CERS6: variants seen among roughly 807,000 people sequenced by gnomAD.
The protein encoded by CERS6 is LAG1 homolog, ceramide synthase 6.
CERS6 carries 26 observed loss-of-function variants against 56.8 expected under a neutral mutation model. The observed-to-expected ratio is 0.46, with a 90% confidence interval of 0.34 to 0.63. The LOEUF (loss-of-function observed/expected upper bound fraction) is 0.63. CERS6 is among the 30% of genes least tolerant of loss of function. CERS6 has a pLI of 0.01. For synonymous variants in CERS6, 164 were observed against 173.3 expected, an observed-to-expected ratio of 0.95 and a Z score of 0.42; for missense variants, 415 against 467.5, an observed-to-expected ratio of 0.89 and a Z score of 1.04.
intron 1 of CERS6, among the ~76,000 whole-genome samples, chr2:168,500,158 A>T (rs1694554508): frequency 6.6e-6 from 1 of 152,214 alleles, no homozygotes; most frequent in South Asian, 2.1e-4. Flanking sequence ...CAAGCTTTCC[A>T]AAATCCATTC....
chr2:168,768,968 T>C (rs1205409521), intron 9 of CERS6, among the ~76,000 whole-genome samples: 2 of 146,966 alleles, frequency 1.4e-5, no homozygotes, highest in Non-Finnish European at 3.0e-5. Flanking sequence ...TTGTGTGACA[T>C]ACAGAACAAA....
chr2:168,561,696 A>C (rs1186369328), intron 3 of CERS6, among the ~76,000 whole-genome samples: 1 of 152,194 alleles, frequency 6.6e-6, no homozygotes, highest in Non-Finnish European at 1.5e-5. Flanking sequence ...AAAAACTGAG[A>C]TATTAGGATA....
intron 3 of CERS6, among the ~76,000 whole-genome samples, chr2:168,574,032 T>TC (rs1393590685): frequency 6.6e-6 from 1 of 152,176 alleles, no homozygotes; most frequent in Admixed American, 6.5e-5. Flanking sequence ...CGTTGTCCTT[T>TC]AGATGTACTT....
Position 168,630,977 on chromosome 2 carries a change from T to C in CERS6, c.408-8T>C. 1 of 1,449,460 alleles carries C rather than the reference T, an allele frequency of 6.9e-7. No individual in the cohort carries two copies. The highest frequency in any genetic ancestry group is 1.8e-4 in the Middle Eastern group (1 of 5,508). The allele number at this position is 1,449,460 out of a possible 1,614,324, so 89.8% of individuals were successfully genotyped here. ...GAATGTCACAGATTTTTTTTTAACC[T>C]TCTACAGGTGGAGATTTTCATTTTA... is the stretch of plus-strand genomic sequence containing the variant. On this transcript the variant is annotated splice_region_variant and splice_polypyrimidine_tract_variant and intron_variant, in intron 3 of 9. Coordinates refer to ENST00000305747, the MANE Select transcript of CERS6 (RefSeq NM_203463.3).
intron 4 of CERS6, among the ~76,000 whole-genome samples, chr2:168,690,655 A>G (rs1476509386): frequency 6.6e-6 from 1 of 152,102 alleles, no homozygotes; most frequent in East Asian, 1.9e-4. Context: ...ACTAGCTGTC[A>G]TCAATGTTTA....
At chr2:168,744,270 G>A (rs1432943971) in intron 8 of CERS6, among the ~76,000 whole-genome samples, 1 of 152,006 alleles carries the variant, frequency 6.6e-6, no homozygotes, top group Non-Finnish European at 1.5e-5. Flanking sequence ...CTCCCAAAGT[G>A]CTGGGATTTA....
At chr2:168,634,923 TCTA>T (rs1684829171) in intron 4 of CERS6, among the ~76,000 whole-genome samples, 1 of 152,184 alleles carries the variant, frequency 6.6e-6, no homozygotes, top group Non-Finnish European at 1.5e-5. Flanking sequence ...AGTAAATTGA[TCTA>T]CTGTTTACTA....
rs1432821288 is a variant in CERS6, at chr2:168,694,871, C to G, written c.517-88C>G. 3.0e-6 allele frequency: 3 copies of G among 1,001,550 alleles called. No individual in the cohort carries two copies. In the East Asian group the frequency reaches 7.1e-5, roughly 24 times the overall value. The allele number at this position is 1,001,550 out of a possible 1,614,324, so 62.0% of individuals were successfully genotyped here. On this transcript the variant is annotated intron_variant, in intron 5 of 9. Transcript: ENST00000305747. ...TTTGTGCAGGTGCAAGACCATGTTA[C>G]TTTTGAGCAGTGAGCTTGAGATGTC...
intron 4 of CERS6, among the ~76,000 whole-genome samples, chr2:168,631,994 T>C (rs967731367): frequency 6.6e-6 from 1 of 150,700 alleles, no homozygotes. Context: ...ATAAGATCAT[T>C]TCCCCTGCTG....
At chr2:168,624,867 A>G (rs946387553) in intron 3 of CERS6, among the ~76,000 whole-genome samples, 9 of 152,180 alleles carry the variant, frequency 5.9e-5, no homozygotes, top group African/African-American at 1.9e-4. Context: ...GTGGAAAAAT[A>G]GGCACTTAAT....
intron 5 of CERS6, 47 bp from the exon 6 acceptor site, chr2:168,694,912 G>A: frequency 1.4e-6 from 2 of 1,447,744 alleles, no homozygotes; most frequent in African/African-American, 2.8e-5. Flanking sequence ...TACAAATTGG[G>A]TTCCCTATTA....
intron 8 of CERS6, among the ~76,000 whole-genome samples, chr2:168,744,513 G>A (rs1429706976): frequency 1.3e-5 from 2 of 152,216 alleles, no homozygotes; most frequent in African/African-American, 4.8e-5. Flanking sequence ...GGGAGGATAA[G>A]CGTAAGCTTT....
chr2:168,752,323 A>T lies in CERS6; in HGVS notation c.846-13269A>T, dbSNP rs1427171633. 1.5e-3 allele frequency among the ~76,000 whole-genome samples: 147 copies of T among 99,278 alleles called. 3 individuals are homozygous for T. In the Middle Eastern group the frequency reaches 0.015, roughly 10 times the overall value. The allele number at this position is 99,278 out of a possible 152,430, so 65.1% of individuals were successfully genotyped here. A position where few individuals can be genotyped will look rare whatever the true frequency, so the allele number is the denominator to read the frequency against. On this transcript the variant is annotated intron_variant, in intron 8 of 9. Transcript: ENST00000305747. ...TGTGTGTGTGTGTGTGTGTGTATAG[A>T]GAGAGAGAGAGAGAGGCTAAGTTTG...
At chr2:168,765,508 C>G in intron 8 of CERS6, 84 bp from the exon 9 acceptor site, 1 of 1,407,286 alleles carries the variant, frequency 7.1e-7, no homozygotes, top group Non-Finnish European at 9.6e-7. Context: ...TATTGTTGAC[C>G]TTGTGCTTTA....
chr2:168,679,696 T>C (rs973205131), intron 4 of CERS6, among the ~76,000 whole-genome samples: 1 of 152,212 alleles, frequency 6.6e-6, no homozygotes, highest in African/African-American at 2.4e-5. Flanking sequence ...AATCAGGTCA[T>C]TGGCCAACGC....
chr2:168,501,111 G>T (rs1490602180), intron 1 of CERS6, among the ~76,000 whole-genome samples: 1 of 152,204 alleles, frequency 6.6e-6, no homozygotes, highest in Non-Finnish European at 1.5e-5. Flanking sequence ...ATACACGCCT[G>T]GCCAGAGTCT....
At chr2:168,632,964 T>C (rs1448248653) in intron 4 of CERS6, among the ~76,000 whole-genome samples, 1 of 152,134 alleles carries the variant, frequency 6.6e-6, no homozygotes, top group African/African-American at 2.4e-5. Context: ...GGAAACACTT[T>C]GACGCTTAGC....
intron 4 of CERS6, among the ~76,000 whole-genome samples, chr2:168,681,685 A>C (rs2105350997): frequency 6.6e-6 from 1 of 152,192 alleles, no homozygotes; most frequent in East Asian, 1.9e-4. Context: ...ATACACAATA[A>C]ATTGTTGTTA....
chr2:168,461,834 A>G (rs1355586718), intron 1 of CERS6, among the ~76,000 whole-genome samples: 3 of 152,164 alleles, frequency 2.0e-5, no homozygotes, highest in African/African-American at 7.2e-5. Flanking sequence ...TGAATTCTCT[A>G]TGGACAGGGC....
Sources: gnomAD v4.1 joint callset for allele counts (sites outside exome capture counted in the v4.1 genomes callset) on GRCh38, gnomAD v4.1.1 for gene constraint, MANE v1.5 for transcripts, NCBI Gene and HGNC (gene_info 2026-07-23, HGNC 2026-07-21) for gene names.